FHL5: variants seen among roughly 807,000 people sequenced by gnomAD.
FHL5 encodes four and a half LIM domains 5, also known as four and a half LIM domains protein 5.
Under a neutral mutation model 32.0 loss-of-function variants are expected in FHL5, and 33 were observed. The ratio of observed to expected loss-of-function variants is 1.03; its 90% CI spans 0.78 to 1.38. The LOEUF (loss-of-function observed/expected upper bound fraction) is 1.38. Ranked by LOEUF, FHL5 falls within the 40% of genes most tolerant of loss-of-function variation. FHL5 has a pLI of 0.00. For missense variants in FHL5, 336 were observed against 343.9 expected (o/e 0.98, Z 0.18); for synonymous variants, 114 against 113.6 (o/e 1.00, Z -0.02).
intron 4 of FHL5, among the ~76,000 whole-genome samples, chr6:96,608,171 C>A (rs1232051644): frequency 6.6e-6 from 1 of 152,096 alleles, no homozygotes; most frequent in African/African-American, 2.4e-5. Context: ...TTATCAGACA[C>A]AATAATGAAG....
chr6:96,582,771 T>C (rs937727159), intron 1 of FHL5, among the ~76,000 whole-genome samples: 44 of 152,222 alleles, frequency 2.9e-4, no homozygotes, highest in African/African-American at 1.0e-3. Flanking sequence ...TTTTGATTGA[T>C]GGCCTGAAGT....
intron 1 of FHL5, among the ~76,000 whole-genome samples, chr6:96,580,004 T>C (rs1562054182): frequency 6.6e-6 from 1 of 152,206 alleles, no homozygotes; most frequent in Non-Finnish European, 1.5e-5. Flanking sequence ...GCTGGTAGAC[T>C]TGCAAAGAGA....
chr6:96,576,605 T>A (rs189350394), intron 1 of FHL5, among the ~76,000 whole-genome samples: 1 of 152,356 alleles, frequency 6.6e-6, no homozygotes, highest in Non-Finnish European at 1.5e-5. Context: ...AGAACTAAAG[T>A]GTATATATTC....
intron 1 of FHL5, among the ~76,000 whole-genome samples, chr6:96,600,053 G>A (rs1323657418): frequency 2.6e-5 from 4 of 152,140 alleles, no homozygotes; most frequent in Non-Finnish European, 5.9e-5. Flanking sequence ...GTTATTCCCT[G>A]AGAATTTTAA....
chr6:96,598,520 A>G (rs1222781321), intron 1 of FHL5, among the ~76,000 whole-genome samples: 2 of 152,182 alleles, frequency 1.3e-5, no homozygotes, highest in East Asian at 3.9e-4. Flanking sequence ...TCCTAGCTGA[A>G]AGTAATTGTC....
At chr6:96,566,961 T>C (rs1405553608) in intron 1 of FHL5, among the ~76,000 whole-genome samples, 1 of 152,074 alleles carries the variant, frequency 6.6e-6, no homozygotes, top group Non-Finnish European at 1.5e-5. Context: ...GTTGACTGTT[T>C]CCTTTGCTGC....
At position 96,606,125 on chromosome 6, in the gene FHL5, C is replaced by T. The variant is rs1009017572; in HGVS notation, c.504+54C>T. 3 of 1,446,158 alleles carry T rather than the reference C, an allele frequency of 2.1e-6. No homozygotes were observed. In the African/African-American group the frequency reaches 4.2e-5, roughly 20 times the overall value. 89.6% of individuals were successfully genotyped at this position (1,446,158 alleles called of 1,614,324 possible). A position where few individuals can be genotyped will look rare whatever the true frequency, so the allele number is the denominator to read the frequency against. On this transcript the variant is annotated intron_variant, in intron 4 of 5. Transcript: ENST00000450218. ...GGAAACTCAGACTATTTCTTTTTAG[C>T]TGTATCATATATTTAGAATGAACTG...
rs7752277 is a variant in FHL5, at chr6:96,617,255, C to T, written c.*1483C>T. 0.4 allele frequency among the ~76,000 whole-genome samples: 61,483 copies of T among 151,978 alleles called. 13,385 individuals are homozygous for T. Among genetic ancestry groups the T allele is most frequent in the African/African-American group, 0.58 (24,140 of 41,450 alleles). ...TAGAGGGAGGTCAGGAGAAGAAGCC[C>T]ACATAGATATATAACTGTCTTCTCT... On this transcript the variant is annotated 3_prime_UTR_variant, in exon 6 of 6. Coordinates refer to ENST00000450218, the MANE Select transcript of FHL5 (RefSeq NM_001322466.2).
At chr6:96,614,815 C>T (rs1474364905) in intron 5 of FHL5, among the ~76,000 whole-genome samples, 1 of 152,176 alleles carries the variant, frequency 6.6e-6, no homozygotes, top group Non-Finnish European at 1.5e-5. Flanking sequence ...CAGACCCTCA[C>T]CGAAGATTCA....
chr6:96,562,636 C>G (rs1224971448), upstream of FHL5: 2 of 152,200 alleles, frequency 1.3e-5, no homozygotes, highest in Admixed American at 6.6e-5. Flanking sequence ...AAACTTATGT[C>G]TCAGAGTTCC....
intron 1 of FHL5, among the ~76,000 whole-genome samples, chr6:96,602,993 G>A (rs1199892855): frequency 6.6e-6 from 1 of 152,128 alleles, no homozygotes; most frequent in African/African-American, 2.4e-5. Flanking sequence ...CAGAGATTTT[G>A]GAGTCATCAG....
At position 96,616,869 on chromosome 6, in the gene FHL5, A is replaced by G. The variant is rs1771531483; in HGVS notation, c.*1097A>G. On this transcript the variant is annotated 3_prime_UTR_variant, in exon 6 of 6. Coordinates refer to ENST00000450218, the MANE Select transcript of FHL5 (RefSeq NM_001322466.2). ...GCTGATAATTCAGAACCTGCAAAGCAGCACAATAGAGTAATGTGGGCTGTA... is the reference window on the plus strand; with the variant it reads ...GCTGATAATTCAGAACCTGCAAAGCGGCACAATAGAGTAATGTGGGCTGTA... 6.6e-6 allele frequency among the ~76,000 whole-genome samples: 1 copy of G among 152,208 alleles called. No individual in the cohort carries two copies. The highest frequency in any genetic ancestry group is 1.5e-5 in the Non-Finnish European group (1 of 68,030).
Position 96,617,642 on chromosome 6 carries a change from A to G in FHL5, c.*1870A>G, listed in dbSNP as rs1231606253. 6.6e-6 allele frequency among the ~76,000 whole-genome samples: 1 copy of G among 152,226 alleles called. No individual in the cohort carries two copies. The highest frequency in any genetic ancestry group is 1.5e-5 in the Non-Finnish European group (1 of 68,018). On this transcript the variant is annotated 3_prime_UTR_variant, in exon 6 of 6. Coordinates refer to ENST00000450218, the MANE Select transcript of FHL5 (RefSeq NM_001322466.2). ...TAGAAAATAATAGCACATTACACATAGAGAAAACCAAGCCACTTAGGTTTA... is the reference window on the plus strand; with the variant it reads ...TAGAAAATAATAGCACATTACACATGGAGAAAACCAAGCCACTTAGGTTTA...
chr6:96,602,520 C>T (rs148466297), intron 1 of FHL5, among the ~76,000 whole-genome samples: 5,299 of 132,026 alleles, frequency 0.04, 120 homozygotes, highest in African/African-American at 0.053. Context: ...AATCTCGGCT[C>T]ACTGCAAGCT....
chr6:96,600,041 G>A (rs1771117417), intron 1 of FHL5, among the ~76,000 whole-genome samples: 1 of 152,198 alleles, frequency 6.6e-6, no homozygotes. Flanking sequence ...TCTGGACACA[G>A]AGTTATTCCC....
At chr6:96,610,426 T>C (rs1238093132) in intron 4 of FHL5, 146 bp from the exon 5 acceptor site, 27 of 621,320 alleles carry the variant, frequency 4.3e-5, no homozygotes, top group Non-Finnish European at 7.2e-5. Context: ...AAAGCACCAG[T>C]TGTGGCATAG....
At chr6:96,602,924 T>A (rs1490867820) in intron 1 of FHL5, among the ~76,000 whole-genome samples, 2 of 152,238 alleles carry the variant, frequency 1.3e-5, no homozygotes, top group East Asian at 3.9e-4. Flanking sequence ...GCTGAGGAGT[T>A]TTATTTGGCC....
rs1008609287 is a variant in FHL5, at chr6:96,617,220, T to C, written c.*1448T>C. ...GTTTTCACATTGGTTATAGCATCTC[T>C]TGGATGGAGTAGAGGGAGGTCAGGA... On this transcript the variant is annotated 3_prime_UTR_variant, in exon 6 of 6. Transcript: ENST00000450218. Among the ~76,000 whole-genome samples, 7 of 152,198 alleles carry C rather than the reference T, an allele frequency of 4.6e-5. No homozygotes were observed. The highest frequency in any genetic ancestry group is 7.3e-5 in the Non-Finnish European group (5 of 68,038).
chr6:96,604,872 T>C lies in FHL5; in HGVS notation c.282T>C (p.Tyr94=), dbSNP rs1227455527. Residue 94 remains tyrosine (Y), a synonymous_variant, in exon 3 of 6, where the codon TAT becomes TAC. Coordinates refer to ENST00000450218, the MANE Select transcript of FHL5 (RefSeq NM_001322466.2). The stretch of plus-strand genomic sequence containing the variant: ...AGCGCCTGCTGTGCACGGAGTGCTA[T>C]TCTAACGAGTGCTCCTCCAAGTGCT... ...KDERLLCTEC[Y]SNECSSKCFH... 9.3e-6 allele frequency: 15 copies of C among 1,613,460 alleles called. No homozygotes were observed. The highest frequency in any genetic ancestry group is 1.1e-5 in the Non-Finnish European group (13 of 1,179,694).
Sources: allele counts gnomAD v4.1 joint callset (sites outside exome capture counted in the v4.1 genomes callset), GRCh38; gene constraint gnomAD v4.1.1; transcripts MANE v1.5; gene names NCBI Gene and HGNC (gene_info 2026-07-23, HGNC 2026-07-21).